The following LAPTM4B variants were observed in gnomAD, a reference collection of about 807,000 sequenced individuals.
LAPTM4B encodes lysosomal protein transmembrane 4 beta.
In LAPTM4B, 26 loss-of-function variants were observed where a neutral mutation model predicts 28.5. That is an observed-to-expected ratio of 0.91 (90% CI 0.67 to 1.27). The LOEUF is 1.27. Ranked by LOEUF, LAPTM4B falls within the 50% of genes most tolerant of loss-of-function variation. The pLI is 0.00. For synonymous variants in LAPTM4B, 109 were observed against 106.4 expected (o/e 1.02, Z -0.15); for missense variants, 288 against 285.8 (o/e 1.01, Z -0.06).
At chr8:97,812,282 C>T (rs1816845787) in intron 2 of LAPTM4B, among the ~76,000 whole-genome samples, 1 of 137,666 alleles carries the variant, frequency 7.3e-6, no homozygotes, top group Non-Finnish European at 1.5e-5. Flanking sequence ...TACAGTGCTG[C>T]TATCTTGGCT....
At chr8:97,792,750 G>T (rs1303935393) in intron 1 of LAPTM4B, among the ~76,000 whole-genome samples, 1 of 151,660 alleles carries the variant, frequency 6.6e-6, no homozygotes, top group Non-Finnish European at 1.5e-5. Context: ...TGGCTGTTTT[G>T]TATTTTTAGT....
At chr8:97,782,515 T>C (rs960905934) in intron 1 of LAPTM4B, among the ~76,000 whole-genome samples, 1 of 151,262 alleles carries the variant, frequency 6.6e-6, no homozygotes, top group African/African-American at 2.4e-5. Context: ...CTCAGCTCAC[T>C]GCAACGTCTG....
Position 97,775,793 on chromosome 8 carries a change from C to A in LAPTM4B, c.-217C>A, listed in dbSNP as rs559303877. ...GTCCGCCCCGCCCCCTCCCCGTCCC[C>A]GCCGCTGCAGCGGTCGCCTTCGGAG... On this transcript the variant is annotated 5_prime_UTR_variant, in exon 1 of 7. Coordinates refer to ENST00000521545, the MANE Select transcript of LAPTM4B (RefSeq NM_018407.6). The A allele has an allele frequency of 6.7e-5, 105 of 1,570,360 alleles. No homozygotes were observed. The highest frequency in any genetic ancestry group is 4.8e-4 in the Admixed American group (27 of 56,436).
At chr8:97,787,516 C>A (rs1261219112) in intron 1 of LAPTM4B, among the ~76,000 whole-genome samples, 1 of 152,130 alleles carries the variant, frequency 6.6e-6, no homozygotes, top group Non-Finnish European at 1.5e-5. Context: ...GATCTCCTGA[C>A]CTCATGATCC....
At chr8:97,811,532 A>G (rs1350564600) in intron 2 of LAPTM4B, among the ~76,000 whole-genome samples, 3 of 152,212 alleles carry the variant, frequency 2.0e-5, no homozygotes, top group Non-Finnish European at 2.9e-5. Flanking sequence ...GAAAACTGAG[A>G]AATAGGAAAC....
chr8:97,820,103 C>T (rs35357093), intron 5 of LAPTM4B, among the ~76,000 whole-genome samples: 68,188 of 151,450 alleles, frequency 0.45, 15,769 homozygotes, highest in East Asian at 0.57. Flanking sequence ...AATTGATGTC[C>T]CCCAAAGTTA....
chr8:97,792,030 A>G (rs1816505163), intron 1 of LAPTM4B, among the ~76,000 whole-genome samples: 1 of 152,134 alleles, frequency 6.6e-6, no homozygotes, highest in South Asian at 2.1e-4. Flanking sequence ...TCCATAATAT[A>G]TTAAAAAATT....
At chr8:97,818,775 A>C (rs1435760503) in intron 4 of LAPTM4B, among the ~76,000 whole-genome samples, 1 of 151,308 alleles carries the variant, frequency 6.6e-6, no homozygotes, top group Non-Finnish European at 1.5e-5. Flanking sequence ...GATCTCGCTC[A>C]CTGCAACCTC....
At chr8:97,834,342 G>A (rs1817229923) in intron 6 of LAPTM4B, among the ~76,000 whole-genome samples, 2 of 151,970 alleles carry the variant, frequency 1.3e-5, no homozygotes, top group Non-Finnish European at 2.9e-5. Context: ...ATGTTGAAAA[G>A]TACAACCATT....
intron 6 of LAPTM4B, among the ~76,000 whole-genome samples, chr8:97,843,430 C>A (rs2129851139): frequency 1.3e-5 from 2 of 152,190 alleles, no homozygotes; most frequent in South Asian, 2.1e-4. Context: ...AACAAAACAA[C>A]ACAACAACAA....
At chr8:97,845,287 C>T (rs1163249042) in intron 6 of LAPTM4B, among the ~76,000 whole-genome samples, 2 of 151,646 alleles carry the variant, frequency 1.3e-5, no homozygotes, top group African/African-American at 2.4e-5. Flanking sequence ...TTCCCTTTCT[C>T]ATACAACTCT....
chr8:97,815,802 A>C (rs983754191), intron 3 of LAPTM4B, among the ~76,000 whole-genome samples: 4 of 152,076 alleles, frequency 2.6e-5, no homozygotes, highest in African/African-American at 9.7e-5. Flanking sequence ...TCCTGACCTT[A>C]AGTGATCCAC....
At chr8:97,794,276 G>A (rs1006534309) in intron 1 of LAPTM4B, among the ~76,000 whole-genome samples, 3 of 151,880 alleles carry the variant, frequency 2.0e-5, no homozygotes, top group Admixed American at 2.0e-4. Flanking sequence ...CACTGCACCC[G>A]GCCCAAACCT....
chr8:97,839,583 G>A (rs1050678286), intron 6 of LAPTM4B, among the ~76,000 whole-genome samples: 19 of 152,162 alleles, frequency 1.2e-4, no homozygotes, highest in African/African-American at 2.9e-4. Flanking sequence ...AGCAACATTC[G>A]AGAAGACTAC....
chr8:97,843,649 A>G (rs934673033), intron 6 of LAPTM4B, among the ~76,000 whole-genome samples: 1 of 151,808 alleles, frequency 6.6e-6, no homozygotes, highest in Non-Finnish European at 1.5e-5. Flanking sequence ...GTGTGGTGGC[A>G]GGTGCATGTA....
chr8:97,811,700 G>A (rs1457238376), intron 2 of LAPTM4B, among the ~76,000 whole-genome samples: 1 of 152,166 alleles, frequency 6.6e-6, no homozygotes. Context: ...AGTCTGCACA[G>A]CTTGCCGGCT....
intron 1 of LAPTM4B, among the ~76,000 whole-genome samples, chr8:97,778,001 GA>G (rs1039076821): frequency 1.3e-5 from 2 of 152,190 alleles, no homozygotes; most frequent in Admixed American, 6.6e-5. Flanking sequence ...CCACAGGAAA[GA>G]TAAATCCTAC....
At chr8:97,820,248 C>T (rs1362338710) in intron 5 of LAPTM4B, among the ~76,000 whole-genome samples, 1 of 151,148 alleles carries the variant, frequency 6.6e-6, no homozygotes, top group Non-Finnish European at 1.5e-5. Flanking sequence ...GTAGAAAACT[C>T]TCATGGCTCT....
intron 6 of LAPTM4B, among the ~76,000 whole-genome samples, chr8:97,845,184 A>T (rs2129854760): frequency 6.6e-6 from 1 of 152,266 alleles, no homozygotes; most frequent in South Asian, 2.1e-4. Flanking sequence ...CTCCTCGTGT[A>T]GTTTCATCAC....
Sources: allele counts gnomAD v4.1 joint callset (sites outside exome capture counted in the v4.1 genomes callset), GRCh38; gene constraint gnomAD v4.1.1; transcripts MANE v1.5; gene names NCBI Gene and HGNC (gene_info 2026-07-23, HGNC 2026-07-21).